STAC: variants seen among roughly 807,000 people sequenced by gnomAD.
STAC encodes the protein SH3 and cysteine rich domain.
Under a neutral mutation model 48.8 loss-of-function variants are expected in STAC, and 43 were observed. The ratio of observed to expected loss-of-function variants is 0.88; its 90% CI spans 0.69 to 1.14. The LOEUF (loss-of-function observed/expected upper bound fraction) is 1.14. Among genes scored for constraint, STAC ranks in the 50% most tolerant of loss-of-function variants. STAC has a pLI of 0.00. For synonymous variants in STAC, 193 were observed against 179.5 expected, an observed-to-expected ratio of 1.07 and a Z score of -0.60; for missense variants, 497 against 504.0, an observed-to-expected ratio of 0.99 and a Z score of 0.13.
At chr3:36,388,443 C>T (rs1461560586) in intron 1 of STAC, among the ~76,000 whole-genome samples, 1 of 151,776 alleles carries the variant, frequency 6.6e-6, no homozygotes, top group Non-Finnish European at 1.5e-5. Flanking sequence ...TGTCTTTTTT[C>T]AATTCTATTA....
At chr3:36,476,290 G>C (rs1697491880) in intron 2 of STAC, among the ~76,000 whole-genome samples, 2 of 152,220 alleles carry the variant, frequency 1.3e-5, no homozygotes, top group Non-Finnish European at 2.9e-5. Context: ...TAGGTGCTCT[G>C]AGAACGATGA....
intron 2 of STAC, among the ~76,000 whole-genome samples, chr3:36,445,035 AG>A (rs1201909822): frequency 6.6e-6 from 1 of 152,210 alleles, no homozygotes; most frequent in Non-Finnish European, 1.5e-5. Flanking sequence ...GGCCTTTTCA[AG>A]GCAGTGTTAT....
At chr3:36,424,418 T>C (rs1281742012) in intron 1 of STAC, among the ~76,000 whole-genome samples, 1 of 152,172 alleles carries the variant, frequency 6.6e-6, no homozygotes, top group Non-Finnish European at 1.5e-5. Context: ...TTTCTACAGA[T>C]AGATTGATAT....
chr3:36,403,682 C>A (rs1313304517), intron 1 of STAC, among the ~76,000 whole-genome samples: 1 of 151,834 alleles, frequency 6.6e-6, no homozygotes, highest in Non-Finnish European at 1.5e-5. Context: ...CATTTATAAA[C>A]TACAAAAATA....
At chr3:36,534,166 T>A (rs1699140677) in intron 10 of STAC, among the ~76,000 whole-genome samples, 1 of 152,192 alleles carries the variant, frequency 6.6e-6, no homozygotes, top group Non-Finnish European at 1.5e-5. Flanking sequence ...CAGAAATGGA[T>A]CTATATCCTG....
chr3:36,506,046 T>TCTGA, intron 8 of STAC: 2 of 395,068 alleles, frequency 5.1e-6, no homozygotes, highest in African/African-American at 2.1e-5. Flanking sequence ...GCCTCAGAAG[T>TCTGA]TGCATTCCTA....
chr3:36,480,887 C>T (rs1022834377), intron 2 of STAC, among the ~76,000 whole-genome samples: 1 of 152,200 alleles, frequency 6.6e-6, no homozygotes, highest in African/African-American at 2.4e-5. Flanking sequence ...TTAACAGACA[C>T]AGTCCTTAGC....
At chr3:36,495,963 C>A (rs1383360105) in intron 6 of STAC, among the ~76,000 whole-genome samples, 2 of 152,178 alleles carry the variant, frequency 1.3e-5, no homozygotes, top group African/African-American at 4.8e-5. Context: ...AGAAGTAGGA[C>A]TAGAGGTCAC....
chr3:36,443,410 G>C lies in STAC; in HGVS notation c.158G>C (p.Arg53Pro). 6.2e-7 allele frequency: 1 copy of C among 1,614,162 alleles called. No homozygotes were observed. Among genetic ancestry groups the C allele is most frequent in the Non-Finnish European group, 8.5e-7 (1 of 1,180,040 alleles). Residue 53 changes from arginine (R) to proline (P), a missense_variant, in exon 2 of 11, where the codon CGG becomes CCG. Transcript: ENST00000273183. This position sits in a 1 kb window ranked among gnomAD's most constrained non-coding sequence, Gnocchi z 4.2. Reference protein sequence around the residue: ...RSLSFKTKSLRSKSADNFFQR... With the variant: ...RSLSFKTKSLPSKSADNFFQR... ...CTTTCTTTCAAGACCAAGAGTTTAC[G>C]GAGCAAAAGTGCTGACAACTTCTTC...
At chr3:36,466,295 G>A (rs765801182) in intron 2 of STAC, among the ~76,000 whole-genome samples, 2 of 152,096 alleles carry the variant, frequency 1.3e-5, no homozygotes, top group East Asian at 1.9e-4. Flanking sequence ...CTGTTTTGGT[G>A]ACTATGGCTT....
At chr3:36,479,755 T>C (rs1697594868) in intron 2 of STAC, among the ~76,000 whole-genome samples, 1 of 152,232 alleles carries the variant, frequency 6.6e-6, no homozygotes, top group African/African-American at 2.4e-5. Context: ...ACTATGTTTT[T>C]TCCTACTCTA....
At chr3:36,521,060 A>C (rs1698791413) in intron 8 of STAC, among the ~76,000 whole-genome samples, 1 of 151,964 alleles carries the variant, frequency 6.6e-6, no homozygotes, top group Non-Finnish European at 1.5e-5. Flanking sequence ...AGTCTGGTGA[A>C]AAATTAAGTC....
intron 1 of STAC, among the ~76,000 whole-genome samples, chr3:36,390,153 AACC>A (rs1699719776): frequency 6.6e-6 from 1 of 152,128 alleles, no homozygotes; most frequent in South Asian, 2.1e-4. Flanking sequence ...CTCTCCTGTA[AACC>A]ACTAGCCACT....
chr3:36,415,939 T>C (rs950365362), intron 1 of STAC, among the ~76,000 whole-genome samples: 1 of 152,198 alleles, frequency 6.6e-6, no homozygotes, highest in African/African-American at 2.4e-5. Context: ...ATTTTATAAA[T>C]ATCTATTTAT....
At chr3:36,487,386 CCTGTT>C (rs1697841560) in intron 5 of STAC, among the ~76,000 whole-genome samples, 1 of 152,166 alleles carries the variant, frequency 6.6e-6, no homozygotes. Flanking sequence ...CACTGAAAGC[CCTGTT>C]CTTCATGCAT....
chr3:36,514,051 T>C (rs529495874), intron 8 of STAC, among the ~76,000 whole-genome samples: 13 of 152,112 alleles, frequency 8.5e-5, no homozygotes, highest in Non-Finnish European at 8.8e-5. Flanking sequence ...ATAATCACTT[T>C]GCCTGCCCTA....
At chr3:36,418,909 T>TGGTGGTG (rs1313765226) in intron 1 of STAC, among the ~76,000 whole-genome samples, 1 of 151,638 alleles carries the variant, frequency 6.6e-6, no homozygotes, top group Non-Finnish European at 1.5e-5. Flanking sequence ...TAGCCAGACA[T>TGGTGGTG]GGTGGTGCAT....
chr3:36,459,281 A>C (rs1019750847), intron 2 of STAC: 2 of 152,220 alleles, frequency 1.3e-5, no homozygotes, highest in Admixed American at 1.3e-4. Flanking sequence ...GAACCAAAGC[A>C]TATACAAAGT....
At chr3:36,471,689 T>C (rs1697340108) in intron 2 of STAC, among the ~76,000 whole-genome samples, 1 of 152,206 alleles carries the variant, frequency 6.6e-6, no homozygotes, top group Non-Finnish European at 1.5e-5. Context: ...GGCTGTCAAA[T>C]TTTAAAGCTC....
Sources: gnomAD v4.1 joint callset for allele counts (sites outside exome capture counted in the v4.1 genomes callset) on GRCh38, gnomAD v4.1.1 for gene constraint, Gnocchi (gnomAD v3.1) non-coding constraint, MANE v1.5 for transcripts, NCBI Gene and HGNC (gene_info 2026-07-23, HGNC 2026-07-21) for gene names.